The following SLC35G2 variants were observed in gnomAD, a reference collection of about 807,000 sequenced individuals.
SLC35G2 encodes the protein solute carrier family 35 member G2.
SLC35G2 carries 20 observed loss-of-function variants against 27.2 expected under a neutral mutation model. That is an observed-to-expected ratio of 0.74 (90% confidence interval 0.52 to 1.07). The LOEUF is 1.07. Among genes scored for constraint, SLC35G2 ranks in the 50% least tolerant of loss-of-function variants. SLC35G2 has a pLI of 0.00. For missense variants in SLC35G2, 416 were observed against 493.3 expected, an observed-to-expected ratio of 0.84 and a Z score of 1.48; for synonymous variants, 148 against 165.3, an observed-to-expected ratio of 0.90 and a Z score of 0.80.
chr3:136,851,678 C>T (rs77020122), intron 1 of SLC35G2, among the ~76,000 whole-genome samples: 2,656 of 152,096 alleles, frequency 0.017, 88 homozygotes, highest in African/African-American at 0.061. Flanking sequence ...GCTAGATTAG[C>T]CAGGGTATTG....
intron 1 of SLC35G2, among the ~76,000 whole-genome samples, chr3:136,853,497 T>A (rs1937781878): frequency 1.3e-5 from 2 of 152,142 alleles, no homozygotes; most frequent in Non-Finnish European, 2.9e-5. Flanking sequence ...TTTCCCCACA[T>A]TTTTTGGTAT....
intron 1 of SLC35G2, among the ~76,000 whole-genome samples, chr3:136,828,699 C>T (rs1413810245): frequency 6.6e-6 from 1 of 152,164 alleles, no homozygotes; most frequent in Non-Finnish European, 1.5e-5. Flanking sequence ...TTCAGCCAGT[C>T]TGTGTCTTTG....
At chr3:136,833,021 A>G (rs1936769751) in intron 1 of SLC35G2, among the ~76,000 whole-genome samples, 1 of 150,198 alleles carries the variant, frequency 6.7e-6, no homozygotes, top group Non-Finnish European at 1.5e-5. Flanking sequence ...GTGAGCTGAG[A>G]TCGCGCCACT....
chr3:136,833,488 T>C (rs1936787043), intron 1 of SLC35G2, among the ~76,000 whole-genome samples: 1 of 152,262 alleles, frequency 6.6e-6, no homozygotes, highest in East Asian at 1.9e-4. Context: ...CACCAGGGAC[T>C]GGTTTCATGG....
At chr3:136,827,976 G>A (rs1302810228) in intron 1 of SLC35G2, among the ~76,000 whole-genome samples, 4 of 151,882 alleles carry the variant, frequency 2.6e-5, no homozygotes, top group African/African-American at 4.8e-5. Context: ...ACAGGTGCAC[G>A]CCACCATGCC....
At chr3:136,836,620 A>G (rs1936878592) in intron 1 of SLC35G2, among the ~76,000 whole-genome samples, 1 of 152,210 alleles carries the variant, frequency 6.6e-6, no homozygotes, top group South Asian at 2.1e-4. Context: ...ATCCACACAG[A>G]GTGTCAGCCC....
At chr3:136,829,187 A>G (rs889088644) in intron 1 of SLC35G2, among the ~76,000 whole-genome samples, 15 of 151,092 alleles carry the variant, frequency 9.9e-5, no homozygotes, top group Non-Finnish European at 2.2e-4. Context: ...ATGTTTTTCT[A>G]TGTGCTTACT....
chr3:136,826,895 A>T (rs1332706957), intron 1 of SLC35G2, among the ~76,000 whole-genome samples: 2 of 151,848 alleles, frequency 1.3e-5, no homozygotes, highest in Non-Finnish European at 2.9e-5. Flanking sequence ...CACCCTCCCA[A>T]AGTGCTAGGA....
rs988107263 is a variant in SLC35G2, at chr3:136,855,750, A to G, written c.*51A>G. The G allele has an allele frequency of 2.2e-6, 3 of 1,346,940 alleles. No individual in the cohort carries two copies. The highest frequency in any genetic ancestry group is 2.8e-5 in the African/African-American group (2 of 70,478). 83.4% of individuals were successfully genotyped at this position (1,346,940 alleles called of 1,614,324 possible). On this transcript the variant is annotated 3_prime_UTR_variant, in exon 2 of 2. Coordinates refer to ENST00000446465, the MANE Select transcript of SLC35G2 (RefSeq NM_025246.3). ...ATGTTCAGTTATTATGTATACTGCC[A>G]TTTTAATGTTTACCTATGAATGTCT...
intron 1 of SLC35G2, among the ~76,000 whole-genome samples, chr3:136,829,371 G>A (rs955626694): frequency 5.3e-5 from 8 of 151,858 alleles, no homozygotes; most frequent in South Asian, 4.1e-4. Context: ...TCAGGCGGCC[G>A]CCACTATGCC....
intron 1 of SLC35G2, among the ~76,000 whole-genome samples, chr3:136,845,705 C>T (rs1374424188): frequency 1.3e-5 from 2 of 151,508 alleles, no homozygotes; most frequent in Non-Finnish European, 1.5e-5. Flanking sequence ...AGGCAATTCT[C>T]CTGCCTCAGC....
At chr3:136,850,829 A>G (rs1937601118) in intron 1 of SLC35G2, among the ~76,000 whole-genome samples, 1 of 152,038 alleles carries the variant, frequency 6.6e-6, no homozygotes, top group Non-Finnish European at 1.5e-5. Context: ...CCCTGTCTCT[A>G]CAGAAAGTGT....
intron 1 of SLC35G2, among the ~76,000 whole-genome samples, chr3:136,835,670 T>G (rs1470720493): frequency 1.3e-5 from 2 of 152,214 alleles, no homozygotes; most frequent in African/African-American, 4.8e-5. Context: ...GTAGTTTTTC[T>G]AATTACAATA....
chr3:136,821,074 G>A (rs1936446457), intron 1 of SLC35G2, among the ~76,000 whole-genome samples: 1 of 152,052 alleles, frequency 6.6e-6, no homozygotes, highest in African/African-American at 2.4e-5. Flanking sequence ...AGTTCTTAAA[G>A]TTTACATTTG....
intron 1 of SLC35G2, among the ~76,000 whole-genome samples, chr3:136,852,456 G>A (rs1443668598): frequency 6.6e-6 from 1 of 151,844 alleles, no homozygotes; most frequent in Non-Finnish European, 1.5e-5. Flanking sequence ...CAAGAAATCA[G>A]GGAGTCACGA....
chr3:136,822,791 C>T (rs925206856), intron 1 of SLC35G2, among the ~76,000 whole-genome samples: 1 of 152,174 alleles, frequency 6.6e-6, no homozygotes, highest in Non-Finnish European at 1.5e-5. Context: ...AAATAGTACT[C>T]CATTGTATGT....
At chr3:136,841,841 T>C (rs1225780746) in intron 1 of SLC35G2, 2 of 152,148 alleles carry the variant, frequency 1.3e-5, no homozygotes, top group Non-Finnish European at 2.9e-5. Flanking sequence ...AGAGTCACCA[T>C]CAGACAGCCA....
intron 1 of SLC35G2, chr3:136,838,193 C>T (rs1936931597): frequency 6.7e-6 from 1 of 148,836 alleles, no homozygotes; most frequent in African/African-American, 2.5e-5. Flanking sequence ...TATATAATGT[C>T]CCTGTCAATG....
intron 1 of SLC35G2, among the ~76,000 whole-genome samples, chr3:136,827,912 C>T (rs542839075): frequency 6.6e-6 from 1 of 151,642 alleles, no homozygotes; most frequent in Non-Finnish European, 1.5e-5. Flanking sequence ...CTGCAACTTC[C>T]ACCTCCTGGG....
Sources: gnomAD v4.1 joint callset for allele counts (sites outside exome capture counted in the v4.1 genomes callset) on GRCh38, gnomAD v4.1.1 for gene constraint, MANE v1.5 for transcripts, NCBI Gene and HGNC (gene_info 2026-07-23, HGNC 2026-07-21) for gene names.